Variants in PDE1C observed in about 807,000 individuals in gnomAD.
PDE1C encodes dual specificity calcium/calmodulin-dependent 3',5'-cyclic nucleotide phosphodiesterase 1C.
PDE1C carries 62 observed loss-of-function variants against 93.1 expected under a neutral mutation model. The ratio of observed to expected loss-of-function variants is 0.67; its 90% CI spans 0.54 to 0.82. The LOEUF (loss-of-function observed/expected upper bound fraction) is 0.82, where lower values mean the gene tolerates loss of function less well. PDE1C is among the 40% of genes least tolerant of loss of function. PDE1C has a pLI of 0.00. For synonymous variants in PDE1C, 325 were observed against 310.1 expected, an observed-to-expected ratio of 1.05 and a Z score of -0.50; for missense variants, 742 against 884.6, an observed-to-expected ratio of 0.84 and a Z score of 2.04.
At chr7:31,965,140 T>A (rs983637705) in intron 2 of PDE1C, among the ~76,000 whole-genome samples, 16 of 152,032 alleles carry the variant, frequency 1.1e-4, no homozygotes, top group African/African-American at 3.6e-4. Context: ...GAAGAAGGCT[T>A]CAGAAGATCA....
intron 1 of PDE1C, among the ~76,000 whole-genome samples, chr7:32,284,614 A>G (rs1162547782): frequency 6.6e-6 from 1 of 152,102 alleles, no homozygotes; most frequent in Admixed American, 6.5e-5. Context: ...ACTCTTATAC[A>G]TGGTGTTTTC....
rs76509665 is a variant in PDE1C at position 31,931,076 on chromosome 7, T to C, written c.129-50216A>G. On this transcript the variant is annotated intron_variant, in intron 2 of 17. Coordinates refer to ENST00000396191, the MANE Select transcript of PDE1C (RefSeq NM_001191057.4). ...AAGCACTCAACAAACTAGGTATTGATGGAATGTATCTCAAAATAATAAGAG... is the reference window on the plus strand; with the variant it reads ...AAGCACTCAACAAACTAGGTATTGACGGAATGTATCTCAAAATAATAAGAG... 9.0e-3 allele frequency among the ~76,000 whole-genome samples: 1,367 copies of C among 152,210 alleles called. 23 individuals are homozygous for C. Among genetic ancestry groups the C allele is most frequent in the African/African-American group, 0.031 (1,280 of 41,514 alleles).
intron 2 of PDE1C, among the ~76,000 whole-genome samples, chr7:31,911,348 T>TGCTAC (rs1801224465): frequency 6.6e-6 from 1 of 152,140 alleles, no homozygotes. Context: ...ATATTTGTGG[T>TGCTAC]GCTACTTGTG....
intron 1 of PDE1C, among the ~76,000 whole-genome samples, chr7:32,356,468 TG>T (rs1255633126): frequency 6.6e-6 from 1 of 152,242 alleles, no homozygotes; most frequent in Non-Finnish European, 1.5e-5. Context: ...ACATGAGCCC[TG>T]AGTGAATTAT....
intron 3 of PDE1C, among the ~76,000 whole-genome samples, chr7:32,088,096 A>T (rs1277984730): frequency 1.3e-5 from 2 of 152,136 alleles, no homozygotes; most frequent in African/African-American, 2.4e-5. Context: ...TTTATTATAA[A>T]TTTGAATAGC....
the PDE1C span, among the ~76,000 whole-genome samples, chr7:31,715,237 A>G: frequency 3.6e-4 from 54 of 151,588 alleles, no homozygotes; most frequent in Non-Finnish European, 7.4e-5. Context: ...AATTATATGT[A>G]AAGGCCTCTT....
the PDE1C span, among the ~76,000 whole-genome samples, chr7:31,744,968 G>T: frequency 6.6e-6 from 1 of 151,848 alleles, no homozygotes; most frequent in African/African-American, 2.4e-5. Context: ...GATATGTGAA[G>T]AGCAAAGTAG....
At chr7:32,119,457 A>C (rs1799168004) in intron 3 of PDE1C, among the ~76,000 whole-genome samples, 1 of 152,156 alleles carries the variant, frequency 6.6e-6, no homozygotes, top group Non-Finnish European at 1.5e-5. Flanking sequence ...AAACTTTCCA[A>C]ACACTGAAAG....
At chr7:32,392,875 C>T (rs912981196) in intron 1 of PDE1C, among the ~76,000 whole-genome samples, 3 of 151,556 alleles carry the variant, frequency 2.0e-5, no homozygotes, top group Non-Finnish European at 4.4e-5. Flanking sequence ...ATGCAGAAAC[C>T]CCGTCTCTAC....
At chr7:32,418,820 C>G (rs1785328396) in intron 1 of PDE1C, among the ~76,000 whole-genome samples, 1 of 152,210 alleles carries the variant, frequency 6.6e-6, no homozygotes, top group African/African-American at 2.4e-5. Context: ...TTTTTCCAAA[C>G]TGCCCTGCAT....
At chr7:31,886,003 TG>T (rs1184122559) in intron 2 of PDE1C, among the ~76,000 whole-genome samples, 1 of 152,116 alleles carries the variant, frequency 6.6e-6, no homozygotes, top group African/African-American at 2.4e-5. Flanking sequence ...CCTCTGAGGA[TG>T]GGGGGGCAGC....
At chr7:32,312,410 A>T (rs1783067493) in intron 1 of PDE1C, among the ~76,000 whole-genome samples, 1 of 152,092 alleles carries the variant, frequency 6.6e-6, no homozygotes, top group Non-Finnish European at 1.5e-5. Flanking sequence ...AACTACTTTA[A>T]AGTTCATATG....
chr7:32,122,246 G>T (rs1470009939), intron 3 of PDE1C, among the ~76,000 whole-genome samples: 4 of 152,160 alleles, frequency 2.6e-5, no homozygotes, highest in Non-Finnish European at 5.9e-5. Flanking sequence ...CCTACAAAGA[G>T]ACTTAGACTC....
chr7:32,037,667 C>G (rs1286767574), intron 2 of PDE1C, among the ~76,000 whole-genome samples: 3 of 152,168 alleles, frequency 2.0e-5, no homozygotes, highest in Non-Finnish European at 4.4e-5. Context: ...TTGAAATTCT[C>G]TATGACTTTG....
At chr7:32,229,330 G>C (rs1807520672) in intron 1 of PDE1C, among the ~76,000 whole-genome samples, 1 of 152,224 alleles carries the variant, frequency 6.6e-6, no homozygotes, top group Admixed American at 6.5e-5. Context: ...CACTGCACAA[G>C]TCTAGGGAGC....
intron 1 of PDE1C, among the ~76,000 whole-genome samples, chr7:32,226,241 C>T (rs2128858383): frequency 6.6e-6 from 1 of 152,250 alleles, no homozygotes. Context: ...CCTCTGTGGG[C>T]CTGAGCTGCT....
intron 3 of PDE1C, among the ~76,000 whole-genome samples, chr7:32,082,446 A>C (rs1193320649): frequency 6.6e-6 from 1 of 152,256 alleles, no homozygotes; most frequent in Non-Finnish European, 1.5e-5. Context: ...GCACAGACAA[A>C]CAAAAAGACA....
At chr7:32,376,333 G>A (rs560672989) in intron 1 of PDE1C, among the ~76,000 whole-genome samples, 1 of 152,296 alleles carries the variant, frequency 6.6e-6, no homozygotes, top group East Asian at 1.9e-4. Flanking sequence ...TTTTACCCTT[G>A]GGAGGATCAT....
intron 16 of PDE1C, chr7:31,790,342 G>T (rs1433679634): frequency 8.1e-7 from 1 of 1,236,328 alleles, no homozygotes; most frequent in East Asian, 2.3e-5. Context: ...TGAGGAGAAG[G>T]AAATCTAGGG....
Sources: gnomAD v4.1 joint callset for allele counts (sites outside exome capture counted in the v4.1 genomes callset) on GRCh38, gnomAD v4.1.1 for gene constraint, MANE v1.5 for transcripts, NCBI Gene and HGNC (gene_info 2026-07-23, HGNC 2026-07-21) for gene names.